The following KLHDC4 variants were observed in gnomAD, a reference collection of about 807,000 sequenced individuals.
KLHDC4 encodes kelch domain containing 4, also known as kelch domain-containing protein 4.
In KLHDC4, 90 loss-of-function variants were observed where a neutral mutation model predicts 62.4. The observed-to-expected ratio is 1.44, with a 90% CI of 1.22 to 1.72. The LOEUF is 1.72. KLHDC4 is among the 40% of genes most tolerant of loss of function. The pLI is 0.00. For missense variants in KLHDC4, 1,025 were observed against 699.7 expected (o/e 1.47, Z -5.25); for synonymous variants, 386 against 284.4 (o/e 1.36, Z -3.59).
At chr16:87,744,376 C>A (rs1597275181) in intron 5 of KLHDC4, among the ~76,000 whole-genome samples, 1 of 150,560 alleles carries the variant, frequency 6.6e-6, no homozygotes, top group South Asian at 2.1e-4. Context: ...GATCCCGCCA[C>A]TGCACTCCAG....
At chr16:87,731,992 G>A (rs2143005006) in intron 5 of KLHDC4, among the ~76,000 whole-genome samples, 1 of 152,330 alleles carries the variant, frequency 6.6e-6, no homozygotes, top group Admixed American at 6.5e-5. Flanking sequence ...TTCGGCCCAG[G>A]ATAGCTGCTC....
intron 7 of KLHDC4, among the ~76,000 whole-genome samples, chr16:87,715,438 C>G (rs752435649): frequency 1.3e-5 from 2 of 152,170 alleles, no homozygotes; most frequent in African/African-American, 2.4e-5. Flanking sequence ...GTGGCCCACA[C>G]TTCATTCACT....
intron 7 of KLHDC4, among the ~76,000 whole-genome samples, chr16:87,720,066 G>C (rs539882925): frequency 6.6e-6 from 1 of 152,332 alleles, no homozygotes; most frequent in Admixed American, 6.5e-5. Context: ...CAATGCAGCT[G>C]CTTTGGCTCA....
intron 1 of KLHDC4, among the ~76,000 whole-genome samples, chr16:87,762,806 C>T (rs1275468516): frequency 6.6e-6 from 1 of 152,128 alleles, no homozygotes; most frequent in East Asian, 1.9e-4. Flanking sequence ...CGAGACACTC[C>T]CATGCACACC....
chr16:87,758,786 T>C (rs4417557), intron 2 of KLHDC4, among the ~76,000 whole-genome samples: 18,250 of 152,254 alleles, frequency 0.12, 1,382 homozygotes, highest in South Asian at 0.27. Context: ...AGAGTTTCTA[T>C]TTGGGGTGAT....
chr16:87,744,163 C>A (rs1053872191), intron 5 of KLHDC4, among the ~76,000 whole-genome samples: 2 of 152,078 alleles, frequency 1.3e-5, no homozygotes, highest in Non-Finnish European at 2.9e-5. Flanking sequence ...TGCCTGTAAT[C>A]CCAGCACTTT....
chr16:87,744,990 G>GA (rs869085385), intron 5 of KLHDC4, among the ~76,000 whole-genome samples: 42 of 135,370 alleles, frequency 3.1e-4, no homozygotes, highest in African/African-American at 1.2e-3. Flanking sequence ...CACACACGCG[G>GA]TGCACACACG....
At chr16:87,765,699 C>T in intron 1 of KLHDC4, 93 bp downstream of exon 1, 1 of 1,275,382 alleles carries the variant, frequency 7.8e-7, no homozygotes, top group Non-Finnish European at 1.1e-6. Context: ...GCGCGGCTCC[C>T]ACGGCCGACC....
intron 8 of KLHDC4, among the ~76,000 whole-genome samples, chr16:87,711,668 C>A (rs944087755): frequency 3.3e-5 from 5 of 152,228 alleles, no homozygotes. Context: ...GCTTTCCACA[C>A]ACCCCCAAGC....
chr16:87,753,575 G>T (rs772743769), intron 4 of KLHDC4, among the ~76,000 whole-genome samples: 1 of 152,032 alleles, frequency 6.6e-6, no homozygotes, highest in Non-Finnish European at 1.5e-5. Context: ...CGAGGTGGGT[G>T]GATCACTTGA....
exon 1 of KLHDC4, chr16:87,700,278 A>T (rs1250086355): frequency 6.5e-6 from 1 of 154,778 alleles, no homozygotes; most frequent in Non-Finnish European, 1.5e-5. Context: ...TGCCTATTAG[A>T]TTTTCAGTCG....
chr16:87,727,162 C>T (rs527955918), intron 6 of KLHDC4, among the ~76,000 whole-genome samples: 1 of 124,644 alleles, frequency 8.0e-6, no homozygotes, highest in Non-Finnish European at 1.7e-5. Context: ...CGCAATCTAC[C>T]TGGAGACAGG....
intron 3 of KLHDC4, chr16:87,755,713 C>T (rs560575668): frequency 1.5e-4 from 26 of 178,568 alleles, no homozygotes; most frequent in Middle Eastern, 2.7e-3. Flanking sequence ...TACAGGCGCC[C>T]GCCACCACAC....
intron 7 of KLHDC4, among the ~76,000 whole-genome samples, chr16:87,717,684 C>G (rs2037273915): frequency 1.3e-5 from 2 of 150,168 alleles, no homozygotes; most frequent in South Asian, 4.1e-4. Flanking sequence ...TTTTCCAAAC[C>G]TAAGGGCCTA....
At chr16:87,762,256 G>A (rs2045997916) in intron 1 of KLHDC4, 2 of 914,602 alleles carry the variant, frequency 2.2e-6, no homozygotes, top group Admixed American at 3.5e-5. Context: ...GTAGATGTGT[G>A]CACCAAGTAT....
chr16:87,723,545 C>A (rs56776358), intron 7 of KLHDC4, among the ~76,000 whole-genome samples: 1,725 of 152,382 alleles, frequency 0.011, 30 homozygotes, highest in African/African-American at 0.039. Flanking sequence ...AGCCTGTTCT[C>A]AGTGCCCTCC....
intron 8 of KLHDC4, 82 bp from the exon 9 acceptor site, chr16:87,711,525 G>C: frequency 8.1e-7 from 1 of 1,230,690 alleles, no homozygotes; most frequent in Non-Finnish European, 1.1e-6. Context: ...CAGGACCCCA[G>C]GTGCCCCCCA....
intron 5 of KLHDC4, among the ~76,000 whole-genome samples, chr16:87,742,178 T>C (rs930553311): frequency 2.0e-5 from 3 of 151,472 alleles, no homozygotes; most frequent in Non-Finnish European, 4.4e-5. Context: ...CAAGCCCAAT[T>C]ACAGGCAGCA....
intron 2 of KLHDC4, among the ~76,000 whole-genome samples, chr16:87,759,913 G>A (rs1291769567): frequency 2.6e-5 from 4 of 152,282 alleles, no homozygotes; most frequent in South Asian, 2.1e-4. Flanking sequence ...AGGTGTTGCC[G>A]CCGCACAGGC....
Sources: gnomAD v4.1 joint callset for allele counts (sites outside exome capture counted in the v4.1 genomes callset) on GRCh38, gnomAD v4.1.1 for gene constraint, MANE v1.5 for transcripts, NCBI Gene and HGNC (gene_info 2026-07-23, HGNC 2026-07-21) for gene names.